CDKN2B-AS1: variants seen among roughly 807,000 people sequenced by gnomAD.
CDKN2B-AS1 encodes the protein CDKN2B antisense RNA 1 (non-protein coding).
At chr9:22,094,697 T>A (rs1161194704) in intron 4 of CDKN2B-AS1, among the ~76,000 whole-genome samples, 2 of 144,290 alleles carry the variant, frequency 1.4e-5, no homozygotes, top group African/African-American at 2.9e-5. Flanking sequence ...CGTTGGTTAT[T>A]CTAGTTAGCC....
Position 22,071,285 on chromosome 9 carries a change from C to CTTTTTTTTTTTTTTT in CDKN2B-AS1, n.438+14915_438+14929dup, listed in dbSNP as rs71336509. ...AGAGGCCAGGCTTAGAAATATCTAG[C>CTTTTTTTTTTTTTTT]TTTTTTTTTTTTTTTTTTTTTTTTT... On this transcript the variant is annotated intron_variant and non_coding_transcript_variant, in intron 4 of 4. Coordinates refer to ENST00000650946, the Ensembl canonical transcript of CDKN2B-AS1. Among the ~76,000 whole-genome samples the CTTTTTTTTTTTTTTT allele has an allele frequency of 3.1e-4, 21 of 67,580 alleles. 1 individual carries two copies. The highest frequency in any genetic ancestry group is 8.4e-4 in the African/African-American group (12 of 14,208). 44.3% of individuals were successfully genotyped at this position (67,580 alleles called of 152,430 possible).
intron 3 of CDKN2B-AS1, among the ~76,000 whole-genome samples, chr9:22,049,514 C>A (rs1310003875): frequency 2.0e-5 from 3 of 152,130 alleles, no homozygotes. Flanking sequence ...TGTCACCCTC[C>A]AGTACATCTG....
chr9:22,047,221 A>G (rs1460782260), intron 2 of CDKN2B-AS1, among the ~76,000 whole-genome samples: 1 of 152,026 alleles, frequency 6.6e-6, no homozygotes, highest in Non-Finnish European at 1.5e-5. Flanking sequence ...TCTGTACCCA[A>G]TAGCTTTTCC....
chr9:22,053,522 A>G (rs1289974353), intron 3 of CDKN2B-AS1, among the ~76,000 whole-genome samples: 1 of 152,206 alleles, frequency 6.6e-6, no homozygotes, highest in Non-Finnish European at 1.5e-5. Context: ...TTTGGTTTAT[A>G]AAGTTTTGGC....
At chr9:22,042,577 C>G (rs1021634107) in intron 1 of CDKN2B-AS1, among the ~76,000 whole-genome samples, 2 of 152,090 alleles carry the variant, frequency 1.3e-5, no homozygotes. Context: ...TACTCAGACT[C>G]TACCTTGCCC....
At chr9:22,080,208 T>C (rs1723731322) in intron 4 of CDKN2B-AS1, among the ~76,000 whole-genome samples, 1 of 152,206 alleles carries the variant, frequency 6.6e-6, no homozygotes, top group Admixed American at 6.5e-5. Context: ...AAGGATTGGG[T>C]TTTCCCCAAG....
chr9:22,040,720 G>A lies in CDKN2B-AS1; in HGVS notation n.30-6031G>A, dbSNP rs1364140585. Among the ~76,000 whole-genome samples, 3 of 151,938 alleles carry A rather than the reference G, an allele frequency of 2.0e-5. No homozygotes were observed. In the East Asian group the frequency reaches 5.8e-4, roughly 29 times the overall value. On this transcript the variant is annotated intron_variant and non_coding_transcript_variant, in intron 1 of 4. Coordinates refer to ENST00000650946, the Ensembl canonical transcript of CDKN2B-AS1. ...GTGCACGAATGCCTCCTTTGTAGCTGGATGTCTAACATCATGATAGCCACA... is the reference window on the plus strand; with the variant it reads ...GTGCACGAATGCCTCCTTTGTAGCTAGATGTCTAACATCATGATAGCCACA...
intron 4 of CDKN2B-AS1, among the ~76,000 whole-genome samples, chr9:22,079,200 G>A (rs1448327031): frequency 6.6e-6 from 1 of 152,184 alleles, no homozygotes; most frequent in Non-Finnish European, 1.5e-5. Flanking sequence ...AGGCTGAAAA[G>A]TGGCCGGGTG....
Position 22,009,364 on chromosome 9 carries a change from C to A in CDKN2B-AS1, n.29+14203C>A, listed in dbSNP as rs900716967. 6.5e-5 allele frequency: 24 copies of A among 371,436 alleles called. 1 individual carries two copies. The highest frequency in any genetic ancestry group is 2.3e-4 in the Admixed American group (5 of 21,778). The allele number at this position is 371,436 out of a possible 1,614,324, so 23.0% of individuals were successfully genotyped here. ...CTGGGCCAAGGGGCCGGCGTCTCCC[C>A]ACCCCCTTAGGCTCCGCCCCCTGTC... On this transcript the variant is annotated intron_variant and non_coding_transcript_variant, in intron 1 of 4. Transcript: ENST00000650946.
At chr9:22,032,688 T>C (rs1203352031) in intron 1 of CDKN2B-AS1, 1 of 151,954 alleles carries the variant, frequency 6.6e-6, no homozygotes, top group Non-Finnish European at 1.5e-5. Flanking sequence ...TTTATAGCAC[T>C]GATCTGTCAT....
intron 4 of CDKN2B-AS1, among the ~76,000 whole-genome samples, chr9:22,090,675 GT>G (rs893285134): frequency 6.6e-6 from 1 of 150,830 alleles, no homozygotes; most frequent in Non-Finnish European, 1.5e-5. Flanking sequence ...TGATGGGGCT[GT>G]TTTTTTTTCT....
intron 1 of CDKN2B-AS1, among the ~76,000 whole-genome samples, chr9:21,998,140 T>G (rs3218018): frequency 0.087 from 13,243 of 152,304 alleles, 577 homozygotes; most frequent in Middle Eastern, 0.13. Flanking sequence ...ATACCTGTTC[T>G]CTTTCAGTTG....
intron 1 of CDKN2B-AS1, chr9:22,009,481 T>G: frequency 4.0e-6 from 1 of 250,462 alleles, no homozygotes; most frequent in African/African-American, 2.2e-5. Context: ...CGCCAGAGAC[T>G]GGGCCAGGGA....
intron 4 of CDKN2B-AS1, among the ~76,000 whole-genome samples, chr9:22,060,817 G>T (rs1203885241): frequency 6.6e-6 from 1 of 152,194 alleles, no homozygotes; most frequent in African/African-American, 2.4e-5. Flanking sequence ...AGAGTAAAAT[G>T]AGGAGGAAGC....
intron 3 of CDKN2B-AS1, among the ~76,000 whole-genome samples, chr9:22,053,089 T>G (rs1052713595): frequency 6.6e-6 from 1 of 152,222 alleles, no homozygotes; most frequent in Non-Finnish European, 1.5e-5. Context: ...AGTTATCACC[T>G]TGTACTCTCA....
At chr9:22,076,356 G>GT (rs1362560143) in intron 4 of CDKN2B-AS1, among the ~76,000 whole-genome samples, 1 of 151,952 alleles carries the variant, frequency 6.6e-6, no homozygotes, top group African/African-American at 2.4e-5. Context: ...CCTGGCCTGA[G>GT]TTTAACATAA....
At chr9:22,075,213 C>G (rs56965302) in intron 4 of CDKN2B-AS1, among the ~76,000 whole-genome samples, 168 of 152,302 alleles carry the variant, frequency 1.1e-3, no homozygotes, top group African/African-American at 3.9e-3. Flanking sequence ...AGACTCTAGG[C>G]TAGCTCCCTG....
chr9:22,065,834 G>C (rs1328101152), intron 4 of CDKN2B-AS1: 2 of 152,112 alleles, frequency 1.3e-5, no homozygotes, highest in Admixed American at 1.3e-4. Flanking sequence ...TATGCTATAT[G>C]TTCTTTTTAC....
At chr9:22,109,774 A>G (rs72654212) in intron 4 of CDKN2B-AS1, among the ~76,000 whole-genome samples, 5 of 152,186 alleles carry the variant, frequency 3.3e-5, no homozygotes, top group Non-Finnish European at 5.9e-5. Flanking sequence ...GTGATTTATC[A>G]GGCTTTATTG....
Sources: allele counts gnomAD v4.1 joint callset (sites outside exome capture counted in the v4.1 genomes callset), GRCh38; gene constraint gnomAD v4.1.1; transcripts MANE v1.5; gene names NCBI Gene and HGNC (gene_info 2026-07-23, HGNC 2026-07-21).